The following ALG13 variants were observed in gnomAD, a reference collection of about 807,000 sequenced individuals.
The protein encoded by ALG13 is UDP-N-acetylglucosamine transferase subunit ALG13.
In ALG13, 11 loss-of-function variants were observed where a neutral mutation model predicts 87.8. The ratio of observed to expected loss-of-function variants is 0.13; its 90% CI spans 0.08 to 0.21. The LOEUF is 0.21. ALG13 is among the 10% of genes least tolerant of loss of function. The pLI, the probability that ALG13 is intolerant of heterozygous loss-of-function variation, is 1.00. For synonymous variants in ALG13, 320 were observed against 306.3 expected (o/e 1.04, Z -0.47); for missense variants, 756 against 866.1 (o/e 0.87, Z 1.60).
At chrX:111,697,448 G>A (rs1375816695) in intron 3 of ALG13, among the ~76,000 whole-genome samples, 1 of 111,645 alleles carries the variant, frequency 9.0e-6, no homozygotes, top group South Asian at 3.8e-4. Flanking sequence ...GCAAATTCTT[G>A]GGATTCATCC....
chrX:111,731,753 A>G (rs1212773973), intron 21 of ALG13, among the ~76,000 whole-genome samples: 4 of 111,889 alleles, frequency 3.6e-5, no homozygotes, highest in African/African-American at 6.5e-5. Flanking sequence ...TTTTCTATAG[A>G]TATACTACTA....
Position 111,744,803 on chromosome X carries a change from C to A in ALG13, c.2831C>A (p.Pro944His), listed in dbSNP as rs1166933342. ...CCTCCTCCTCCTCCTCCTCCTCCTC[C>A]TCCTGCTCTTGATGTGGGAGAGACT... is the stretch of plus-strand genomic sequence containing the variant. ...PPPPPPPPPP[P>H]PALDVGETSN... The change falls in exon 24 of 27, where the codon CCT becomes CAT. Residue 944 changes from proline to histidine, a missense_variant. Coordinates refer to ENST00000394780, the MANE Select transcript of ALG13 (RefSeq NM_001099922.3). The A allele has an allele frequency of 8.6e-7, 1 of 1,167,276 alleles. No individual in the cohort carries two copies. Among genetic ancestry groups the A allele is most frequent in the African/African-American group, 1.8e-5 (1 of 55,329 alleles).
Position 111,712,541 on chromosome X carries a change from T to G in ALG13, c.932+11T>G, listed in dbSNP as rs763525240. 8.9e-7 allele frequency: 1 copy of G among 1,122,758 alleles called. No individual in the cohort carries two copies. The allele number at this position is 1,122,758 out of a possible 1,213,427, so 92.5% of individuals were successfully genotyped here. ...TTCTCTAATTTATAAGTAAGTTATA[T>G]CCTCTTTTCTTTGAGAGTGGGTATG... is the stretch of plus-strand genomic sequence containing the variant. On this transcript the variant is annotated intron_variant, in intron 7 of 26. Coordinates refer to ENST00000394780, the MANE Select transcript of ALG13 (RefSeq NM_001099922.3).
chrX:111,709,811 A>C (rs1939423918), intron 5 of ALG13, among the ~76,000 whole-genome samples: 1 of 110,569 alleles, frequency 9.0e-6, no homozygotes, highest in South Asian at 3.8e-4. Flanking sequence ...GAATTTTAAA[A>C]CTATGTGAAG....
intron 23 of ALG13, among the ~76,000 whole-genome samples, chrX:111,740,066 G>C (rs1003266818): frequency 1.8e-5 from 2 of 111,565 alleles, no homozygotes; most frequent in Non-Finnish European, 3.8e-5. Context: ...ATAGTTACCT[G>C]TAGAAGTAAG....
At chrX:111,727,849 AT>A in intron 18 of ALG13, 79 bp downstream of exon 18, 1 of 988,282 alleles carries the variant, frequency 1.0e-6, no homozygotes, top group Non-Finnish European at 1.3e-6. Flanking sequence ...ATGTGGATAA[AT>A]TTTAGATTTT....
At chrX:111,745,557 A>T (rs1453392814) in intron 24 of ALG13, among the ~76,000 whole-genome samples, 2 of 109,477 alleles carry the variant, frequency 1.8e-5, no homozygotes, top group Admixed American at 2.0e-4. Context: ...CCAACCCCTA[A>T]TCACCAAGAT....
At chrX:111,754,371 GGATGTCCTCTCTC>G (rs1181916663) in intron 25 of ALG13, among the ~76,000 whole-genome samples, 1 of 111,712 alleles carries the variant, frequency 9.0e-6, no homozygotes, top group Non-Finnish European at 1.9e-5. Flanking sequence ...TACAAGACAA[GGATGTCCTCTCTC>G]ACCACTCCTA....
chrX:111,688,623 T>C (rs1935562740), intron 3 of ALG13: 3 of 748,818 alleles, frequency 4.0e-6, no homozygotes, highest in South Asian at 1.4e-4. Context: ...GTCAAAACTT[T>C]ACTGGTTTGA....
chrX:111,691,846 ACT>A (rs968743490), intron 3 of ALG13, among the ~76,000 whole-genome samples: 1 of 111,935 alleles, frequency 8.9e-6, no homozygotes, highest in Non-Finnish European at 1.9e-5. Context: ...ATGTGGAGAA[ACT>A]CTTTCAATTG....
intron 3 of ALG13, among the ~76,000 whole-genome samples, chrX:111,686,355 A>G (rs1393215863): frequency 2.7e-5 from 3 of 112,373 alleles, no homozygotes; most frequent in Non-Finnish European, 5.6e-5. Flanking sequence ...TTTTTCTTTT[A>G]GTTTTACTGC....
At chrX:111,720,480 G>GT (rs1941267046) in intron 11 of ALG13, among the ~76,000 whole-genome samples, 1 of 111,468 alleles carries the variant, frequency 9.0e-6, no homozygotes, top group South Asian at 3.7e-4. Flanking sequence ...TGACGCTAAG[G>GT]TTTTTTTCAT....
At chrX:111,726,146 C>A (rs996812130) in intron 15 of ALG13, among the ~76,000 whole-genome samples, 1 of 107,662 alleles carries the variant, frequency 9.3e-6, no homozygotes, top group South Asian at 4.2e-4. Flanking sequence ...GGGGTTTCAC[C>A]GTGTTAGCCA....
chrX:111,743,607 A>G (rs1044277529), intron 23 of ALG13, among the ~76,000 whole-genome samples: 8 of 111,739 alleles, frequency 7.2e-5, no homozygotes, highest in African/African-American at 1.6e-4. Context: ...TAAATGTACA[A>G]AAGATAAGAT....
intron 25 of ALG13, 95 bp downstream of exon 25, chrX:111,752,925 C>A: frequency 1.7e-6 from 1 of 577,890 alleles, no homozygotes; most frequent in Admixed American, 3.6e-5. Flanking sequence ...GCCAAAATCA[C>A]TAAGGGGACT....
intron 21 of ALG13, 61 bp from the exon 22 acceptor site, chrX:111,734,990 T>A (rs920404055): frequency 8.7e-6 from 7 of 802,656 alleles, no homozygotes; most frequent in Non-Finnish European, 1.1e-5. Context: ...TTAAAATATG[T>A]TGAAACAAAG....
At chrX:111,715,587 G>A (rs374606366) in intron 8 of ALG13, among the ~76,000 whole-genome samples, 19 of 111,637 alleles carry the variant, frequency 1.7e-4, no homozygotes, top group African/African-American at 5.5e-4. Context: ...GTGTGGTGGC[G>A]CATGCCTGTA....
chrX:111,735,250 C>A, intron 22 of ALG13, 128 bp downstream of exon 22: 1 of 448,014 alleles, frequency 2.2e-6, no homozygotes, highest in Non-Finnish European at 3.9e-6. Flanking sequence ...ATTGTACCTT[C>A]TGGTGTCTGA....
chrX:111,718,377 T>C, intron 10 of ALG13, 103 bp downstream of exon 10: 3 of 644,268 alleles, frequency 4.7e-6, no homozygotes, highest in Non-Finnish European at 6.9e-6. Context: ...TTAGGTTACA[T>C]ATTCACACGT....
Sources: gnomAD v4.1 joint callset for allele counts (sites outside exome capture counted in the v4.1 genomes callset) on GRCh38, gnomAD v4.1.1 for gene constraint, MANE v1.5 for transcripts, NCBI Gene and HGNC (gene_info 2026-07-23, HGNC 2026-07-21) for gene names.